The following DPP6 variants were observed in gnomAD, a reference collection of about 807,000 sequenced individuals.
DPP6 encodes A-type potassium channel modulatory protein DPP6.
In DPP6, 69 loss-of-function variants were observed where a neutral mutation model predicts 122.6. That is an observed-to-expected ratio of 0.56 (90% confidence interval 0.46 to 0.69). The LOEUF is 0.69. Ranked by LOEUF, DPP6 falls within the 30% of genes least tolerant of loss-of-function variation. DPP6 has a pLI of 0.00. For missense variants in DPP6, 928 were observed against 1,116.9 expected, an observed-to-expected ratio of 0.83 and a Z score of 2.41; for synonymous variants, 418 against 433.1, an observed-to-expected ratio of 0.97 and a Z score of 0.43.
rs71182852 is a variant in DPP6 at position 153,918,524 on chromosome 7, A to AAC, written c.51+30830_51+30831dup. Among the ~76,000 whole-genome samples the AAC allele has an allele frequency of 3.8e-3, 292 of 77,420 alleles. 1 individual carries two copies. Among genetic ancestry groups the AAC allele is most frequent in the East Asian group, 6.3e-3 (19 of 3,006 alleles). 50.8% of individuals were successfully genotyped at this position (77,420 alleles called of 152,430 possible). On this transcript the variant is annotated intron_variant, in intron 1 of 25. Transcript: ENST00000404039. ...CAAGGCAAAAAGAAGAGGTAATTAAAACACACACACACACACACACACACA... is the reference window on the plus strand; with the variant it reads ...CAAGGCAAAAAGAAGAGGTAATTAAAACACACACACACACACACACACACACA...
At chr7:154,622,329 T>C (rs1834744194) in intron 5 of DPP6, among the ~76,000 whole-genome samples, 1 of 152,204 alleles carries the variant, frequency 6.6e-6, no homozygotes, top group Non-Finnish European at 1.5e-5. Context: ...ATGTGGCATA[T>C]GTGGAAATAG....
intron 5 of DPP6, among the ~76,000 whole-genome samples, chr7:154,574,427 GTGGT>G (rs1831341736): frequency 2.1e-5 from 3 of 140,668 alleles, no homozygotes; most frequent in African/African-American, 7.9e-5. Context: ...GTGTATATGT[GTGGT>G]GTGTGTGTAT....
intron 1 of DPP6, among the ~76,000 whole-genome samples, chr7:154,406,490 C>T (rs938860754): frequency 6.6e-6 from 1 of 150,872 alleles, no homozygotes; most frequent in Non-Finnish European, 1.5e-5. Context: ...CACACACACA[C>T]ATGCACACAT....
intron 1 of DPP6, among the ~76,000 whole-genome samples, chr7:154,020,463 G>A (rs997756056): frequency 6.6e-6 from 1 of 151,790 alleles, no homozygotes; most frequent in African/African-American, 2.4e-5. Context: ...AACATTAAAA[G>A]ATTAGCCTAG....
At chr7:154,300,403 A>T (rs904589844) in intron 1 of DPP6, among the ~76,000 whole-genome samples, 4 of 152,218 alleles carry the variant, frequency 2.6e-5, no homozygotes, top group Admixed American at 2.6e-4. Context: ...TTTTTCCAAG[A>T]TGCTCCTTGC....
intron 1 of DPP6, among the ~76,000 whole-genome samples, chr7:154,431,166 C>T (rs558985234): frequency 1.6e-4 from 25 of 152,304 alleles, no homozygotes; most frequent in African/African-American, 6.0e-4. Context: ...GCCCTGAGAA[C>T]AGCTGCCAAG....
intron 1 of DPP6, among the ~76,000 whole-genome samples, chr7:154,442,876 T>C (rs1368089820): frequency 2.6e-5 from 4 of 152,208 alleles, no homozygotes. Flanking sequence ...CTGTGCCTTG[T>C]TGGCCGCTCC....
chr7:154,645,102 G>A (rs371372770), intron 6 of DPP6, among the ~76,000 whole-genome samples: 19 of 135,188 alleles, frequency 1.4e-4, no homozygotes, highest in Admixed American at 5.7e-4. Flanking sequence ...TTGCTCTGTC[G>A]CCCAGGCTGG....
At chr7:153,878,450 A>T in the DPP6 span, among the ~76,000 whole-genome samples, 18 of 152,270 alleles carry the variant, frequency 1.2e-4, no homozygotes, top group African/African-American at 4.3e-4. Flanking sequence ...ATGGAATGCC[A>T]TGCAGTGATG....
At chr7:154,314,199 G>C (rs1359514994) in intron 1 of DPP6, among the ~76,000 whole-genome samples, 1 of 152,100 alleles carries the variant, frequency 6.6e-6, no homozygotes, top group African/African-American at 2.4e-5. Context: ...AGGGATATTG[G>C]ACAGTTCTGG....
intron 2 of DPP6, among the ~76,000 whole-genome samples, chr7:154,461,462 G>T (rs939562892): frequency 1.3e-5 from 2 of 152,166 alleles, no homozygotes; most frequent in Non-Finnish European, 2.9e-5. Flanking sequence ...CATGGTGGTT[G>T]TACTAATTTG....
At chr7:153,853,326 T>G in the DPP6 span, among the ~76,000 whole-genome samples, 17 of 152,328 alleles carry the variant, frequency 1.1e-4, 1 homozygote, top group Admixed American at 9.8e-4. Context: ...TAATGTCTGT[T>G]CTACCAAGAA....
At chr7:154,832,186 G>A (rs1353947125) in intron 16 of DPP6, among the ~76,000 whole-genome samples, 2 of 152,152 alleles carry the variant, frequency 1.3e-5, no homozygotes, top group African/African-American at 2.4e-5. Flanking sequence ...GCCAGGCAAC[G>A]AACTGGGTGC....
intron 1 of DPP6, among the ~76,000 whole-genome samples, chr7:153,924,982 T>C (rs34560058): frequency 0.3 from 44,885 of 152,068 alleles, 7,759 homozygotes; most frequent in East Asian, 0.64. Flanking sequence ...CTAGCTACAC[T>C]TGGTCTGGTT....
At chr7:154,762,300 A>G (rs1197039137) in intron 8 of DPP6, among the ~76,000 whole-genome samples, 1 of 152,212 alleles carries the variant, frequency 6.6e-6, no homozygotes, top group African/African-American at 2.4e-5. Context: ...GGGGAGTCTC[A>G]CGCCCTGGAA....
chr7:154,723,660 T>C (rs768652424), intron 7 of DPP6, among the ~76,000 whole-genome samples: 2 of 152,220 alleles, frequency 1.3e-5, no homozygotes, highest in Non-Finnish European at 2.9e-5. Flanking sequence ...TTCAGATCCA[T>C]CCCTCTGTGG....
At chr7:153,876,296 T>C in the DPP6 span, among the ~76,000 whole-genome samples, 3 of 152,024 alleles carry the variant, frequency 2.0e-5, no homozygotes, top group Admixed American at 6.6e-5. Flanking sequence ...GCTAACTTGA[T>C]CTAGTTGAAA....
intron 7 of DPP6, among the ~76,000 whole-genome samples, chr7:154,722,753 G>T (rs1299613236): frequency 6.6e-6 from 1 of 152,082 alleles, no homozygotes; most frequent in African/African-American, 2.4e-5. Flanking sequence ...GAGGCTTCAA[G>T]TCCCTTTAGG....
At chr7:154,422,348 C>T in intron 1 of DPP6, among the ~76,000 whole-genome samples, 1 of 152,160 alleles carries the variant, frequency 6.6e-6, no homozygotes, top group Non-Finnish European at 1.5e-5. Context: ...TCTAAAGAAG[C>T]TTCCCATAGA....
Sources: gnomAD v4.1 joint callset for allele counts (sites outside exome capture counted in the v4.1 genomes callset) on GRCh38, gnomAD v4.1.1 for gene constraint, MANE v1.5 for transcripts, NCBI Gene and HGNC (gene_info 2026-07-23, HGNC 2026-07-21) for gene names.